The following LSAMP variants were observed in gnomAD, a reference collection of about 807,000 sequenced individuals.
LSAMP encodes the protein limbic system associated membrane protein, also known as limbic system-associated membrane protein.
In LSAMP, 7 loss-of-function variants were observed where a neutral mutation model predicts 38.6. That is an observed-to-expected ratio of 0.18 (90% CI 0.10 to 0.34). The LOEUF (loss-of-function observed/expected upper bound fraction) is 0.34. Among genes scored for constraint, LSAMP ranks in the 10% least tolerant of loss-of-function variants. The pLI, the probability that LSAMP is intolerant of heterozygous loss-of-function variation, is 1.00. For missense variants in LSAMP, 313 were observed against 420.0 expected (o/e 0.75, Z 2.23); for synonymous variants, 154 against 166.8 (o/e 0.92, Z 0.59).
chr3:116,131,503 G>C (rs995994881), intron 1 of LSAMP, among the ~76,000 whole-genome samples: 1 of 151,882 alleles, frequency 6.6e-6, no homozygotes, highest in Non-Finnish European at 1.5e-5. Context: ...TTCCCCCAAG[G>C]GACTTAAAGC....
chr3:116,340,962 T>A (rs77212023), intron 1 of LSAMP, among the ~76,000 whole-genome samples: 2,355 of 152,160 alleles, frequency 0.015, 37 homozygotes, highest in Non-Finnish European at 0.019. Context: ...ATATGTATCA[T>A]CCTCAGTCCC....
intron 3 of LSAMP, among the ~76,000 whole-genome samples, chr3:115,942,606 CATG>C (rs1937960293): frequency 6.6e-6 from 1 of 152,166 alleles, no homozygotes; most frequent in African/African-American, 2.4e-5. Context: ...TAAGCATAAA[CATG>C]ATGATTCCAT....
intron 1 of LSAMP, among the ~76,000 whole-genome samples, chr3:116,271,895 A>C (rs2046979054): frequency 6.6e-6 from 1 of 151,998 alleles, no homozygotes; most frequent in Admixed American, 6.6e-5. Context: ...AAGTAAAATG[A>C]AGTATTTCCT....
chr3:116,210,258 G>A (rs1256279722), intron 1 of LSAMP, among the ~76,000 whole-genome samples: 1 of 152,164 alleles, frequency 6.6e-6, no homozygotes, highest in Non-Finnish European at 1.5e-5. Context: ...GTGTGTCTGT[G>A]AGGGTGTTGC....
intron 1 of LSAMP, among the ~76,000 whole-genome samples, chr3:116,211,422 A>G (rs2046154679): frequency 6.6e-6 from 1 of 152,240 alleles, no homozygotes; most frequent in Non-Finnish European, 1.5e-5. Flanking sequence ...AAAAATGTAT[A>G]CATGTTTCAA....
intron 3 of LSAMP, among the ~76,000 whole-genome samples, chr3:115,899,207 G>C (rs747562076): frequency 2.0e-5 from 3 of 151,974 alleles, no homozygotes; most frequent in Non-Finnish European, 2.9e-5. Context: ...CTTTCAAACA[G>C]TTTTTTTCAA....
intron 1 of LSAMP, among the ~76,000 whole-genome samples, chr3:116,228,938 C>T (rs1469722206): frequency 6.6e-6 from 1 of 152,088 alleles, no homozygotes; most frequent in South Asian, 2.1e-4. Flanking sequence ...TCAGTTCTAT[C>T]ACATTTCTCT....
In LSAMP at chr3:116,201,255, G is replaced by C. The variant is rs181198722; in HGVS notation, c.156-114699C>G. Among the ~76,000 whole-genome samples the C allele has an allele frequency of 2.6e-3, 398 of 152,224 alleles. 3 individuals carry two copies. Among genetic ancestry groups the C allele is most frequent in the African/African-American group, 9.2e-3 (384 of 41,536 alleles). On this transcript the variant is annotated intron_variant, in intron 1 of 6. Transcript: ENST00000490035. Reference sequence around the variant, plus strand: ...GCCATTCCTAGCAGAGCCTCCTTCAGGCCCTGGTAAAGCTCAGGCAGCATC... The same window carrying C: ...GCCATTCCTAGCAGAGCCTCCTTCACGCCCTGGTAAAGCTCAGGCAGCATC...
At chr3:115,991,306 T>G (rs1301072773) in intron 3 of LSAMP, among the ~76,000 whole-genome samples, 1 of 152,060 alleles carries the variant, frequency 6.6e-6, no homozygotes, top group Non-Finnish European at 1.5e-5. Flanking sequence ...AGTATGTAGA[T>G]TTTACTTCTT....
intron 3 of LSAMP, among the ~76,000 whole-genome samples, chr3:115,950,637 A>T (rs1938251877): frequency 6.6e-6 from 1 of 152,090 alleles, no homozygotes; most frequent in Non-Finnish European, 1.5e-5. Flanking sequence ...ATTGTTGGGT[A>T]GAATCAATAT....
chr3:116,266,296 T>C (rs963412361), intron 1 of LSAMP, among the ~76,000 whole-genome samples: 2 of 152,152 alleles, frequency 1.3e-5, no homozygotes, highest in African/African-American at 2.4e-5. Context: ...TGACAAGACA[T>C]GGGTTCCTAT....
intron 1 of LSAMP, among the ~76,000 whole-genome samples, chr3:116,176,478 T>C (rs1710344063): frequency 6.6e-6 from 1 of 152,100 alleles, no homozygotes; most frequent in South Asian, 2.1e-4. Flanking sequence ...TGATCTTACT[T>C]GTCAAAGTAG....
chr3:116,228,909 AG>A (rs2046370448), intron 1 of LSAMP, among the ~76,000 whole-genome samples: 1 of 152,116 alleles, frequency 6.6e-6, no homozygotes, highest in Non-Finnish European at 1.5e-5. Context: ...TGATAACTTC[AG>A]GAACCACTTG....
intron 3 of LSAMP, among the ~76,000 whole-genome samples, chr3:115,858,604 C>T (rs1935581160): frequency 6.6e-6 from 1 of 152,132 alleles, no homozygotes; most frequent in South Asian, 2.1e-4. Context: ...ATTCCTTTTA[C>T]TCACCTACGT....
intron 1 of LSAMP, among the ~76,000 whole-genome samples, chr3:116,143,953 C>G (rs979480674): frequency 6.6e-6 from 1 of 151,902 alleles, no homozygotes; most frequent in African/African-American, 2.4e-5. Context: ...TAGTGCCATA[C>G]TAAAACATTT....
At chr3:116,142,159 T>C (rs1482592857) in intron 1 of LSAMP, among the ~76,000 whole-genome samples, 3 of 152,040 alleles carry the variant, frequency 2.0e-5, no homozygotes, top group Admixed American at 6.6e-5. Flanking sequence ...TTTATTTTTT[T>C]GGACACCCCA....
At chr3:116,216,237 A>G (rs2046217211) in intron 1 of LSAMP, among the ~76,000 whole-genome samples, 1 of 152,102 alleles carries the variant, frequency 6.6e-6, no homozygotes. Context: ...AAGTTCCTCA[A>G]GGTTTTTCAC....
chr3:115,862,417 G>A (rs995350308), intron 3 of LSAMP, among the ~76,000 whole-genome samples: 5 of 152,160 alleles, frequency 3.3e-5, no homozygotes, highest in African/African-American at 9.7e-5. Flanking sequence ...CAATAACCCC[G>A]TCTAGCCCTT....
At chr3:116,007,636 G>C (rs1257498926) in intron 3 of LSAMP, among the ~76,000 whole-genome samples, 3 of 150,282 alleles carry the variant, frequency 2.0e-5, no homozygotes, top group Non-Finnish European at 4.4e-5. Context: ...AAATGTGATA[G>C]TGCATATATA....
Sources: gnomAD v4.1 joint callset for allele counts (sites outside exome capture counted in the v4.1 genomes callset) on GRCh38, gnomAD v4.1.1 for gene constraint, MANE v1.5 for transcripts, NCBI Gene and HGNC (gene_info 2026-07-23, HGNC 2026-07-21) for gene names.